The following PTPRK variants were observed in gnomAD, a reference collection of about 807,000 sequenced individuals.
The protein encoded by PTPRK is receptor-type tyrosine-protein phosphatase kappa.
Under a neutral mutation model 178.0 loss-of-function variants are expected in PTPRK, and 75 were observed. That is an observed-to-expected ratio of 0.42 (90% CI 0.35 to 0.51). The LOEUF (loss-of-function observed/expected upper bound fraction) is 0.51. Ranked by LOEUF, PTPRK falls within the 20% of genes least tolerant of loss-of-function variation. The probability of loss-of-function intolerance (pLI) is 0.02; values close to 1 mark genes in which losing one functional copy is unlikely to be tolerated. For missense variants in PTPRK, 1,441 were observed against 1,797.8 expected (o/e 0.80, Z 3.59); for synonymous variants, 637 against 620.6 (o/e 1.03, Z -0.39).
intron 7 of PTPRK, among the ~76,000 whole-genome samples, chr6:128,135,329 A>C (rs1055933040): frequency 1.3e-5 from 2 of 152,104 alleles, no homozygotes; most frequent in African/African-American, 4.8e-5. Flanking sequence ...GTTGAAGGAG[A>C]GGGCTGGACC....
At chr6:128,267,542 A>G (rs1475837175) in intron 3 of PTPRK, among the ~76,000 whole-genome samples, 2 of 152,120 alleles carry the variant, frequency 1.3e-5, no homozygotes, top group Non-Finnish European at 2.9e-5. Flanking sequence ...ATGCTCTTTA[A>G]AACTGTGTAA....
chr6:128,175,480 C>T (rs1360252021), intron 7 of PTPRK, among the ~76,000 whole-genome samples: 1 of 151,662 alleles, frequency 6.6e-6, no homozygotes, highest in Admixed American at 6.6e-5. Context: ...TGGTTACATA[C>T]ATTCAGATAT....
At chr6:128,264,519 G>A (rs1203911170) in intron 3 of PTPRK, among the ~76,000 whole-genome samples, 1 of 152,002 alleles carries the variant, frequency 6.6e-6, no homozygotes, top group Non-Finnish European at 1.5e-5. Context: ...GTCTTGCTAT[G>A]TTGTCCAGGC....
intron 1 of PTPRK, among the ~76,000 whole-genome samples, chr6:128,404,553 G>A (rs946424): frequency 0.75 from 114,679 of 152,070 alleles, 44,775 homozygotes; most frequent in East Asian, 0.99. Flanking sequence ...CATTGTAGCA[G>A]GGGATCCCGA....
At chr6:128,470,031 C>T (rs1227166085) in intron 1 of PTPRK, among the ~76,000 whole-genome samples, 13 of 152,086 alleles carry the variant, frequency 8.5e-5, no homozygotes, top group Non-Finnish European at 8.8e-5. Context: ...TTGTTTTACG[C>T]CGCTAACTTT....
chr6:128,356,782 A>G (rs1197405923), intron 2 of PTPRK, among the ~76,000 whole-genome samples: 1 of 152,226 alleles, frequency 6.6e-6, no homozygotes, highest in Non-Finnish European at 1.5e-5. Context: ...TTTCCAAATT[A>G]GTATGAACAA....
At chr6:128,304,543 T>C (rs796796372) in intron 3 of PTPRK, among the ~76,000 whole-genome samples, 10 of 152,352 alleles carry the variant, frequency 6.6e-5, no homozygotes, top group African/African-American at 2.2e-4. Flanking sequence ...GTGTGTGATA[T>C]GTGCAAATCA....
intron 2 of PTPRK, among the ~76,000 whole-genome samples, chr6:128,329,486 A>C (rs1829998022): frequency 6.6e-6 from 1 of 151,828 alleles, no homozygotes; most frequent in Non-Finnish European, 1.5e-5. Flanking sequence ...CTGATGGTAT[A>C]ATTCCAATCC....
At chr6:128,351,510 A>G (rs1303332378) in intron 2 of PTPRK, among the ~76,000 whole-genome samples, 1 of 152,212 alleles carries the variant, frequency 6.6e-6, no homozygotes, top group Non-Finnish European at 1.5e-5. Flanking sequence ...TGTAATTTTC[A>G]CAAGTAAATT....
intron 13 of PTPRK, among the ~76,000 whole-genome samples, chr6:128,029,914 A>G (rs114364994): frequency 0.03 from 4,544 of 152,202 alleles, 152 homozygotes; most frequent in African/African-American, 0.078. Flanking sequence ...TTGGATGCAC[A>G]TGATTTATTA....
chr6:128,260,957 G>C (rs999740840), intron 3 of PTPRK, among the ~76,000 whole-genome samples: 2 of 152,070 alleles, frequency 1.3e-5, no homozygotes, highest in African/African-American at 4.8e-5. Context: ...CATTTTCTTA[G>C]TTTTTCCATC....
At chr6:127,995,198 AATGT>A in intron 18 of PTPRK, 2 of 1,506,104 alleles carry the variant, frequency 1.3e-6, no homozygotes, top group Non-Finnish European at 1.8e-6. Flanking sequence ...TGTAATTAAG[AATGT>A]TTGTATTTAT....
chr6:128,444,480 G>T (rs1419061750), intron 1 of PTPRK, among the ~76,000 whole-genome samples: 1 of 152,086 alleles, frequency 6.6e-6, no homozygotes, highest in Non-Finnish European at 1.5e-5. Context: ...ACTTGTCCAT[G>T]CTGTATTCAG....
intron 2 of PTPRK, among the ~76,000 whole-genome samples, chr6:128,349,815 T>C (rs1832889036): frequency 6.6e-6 from 1 of 152,144 alleles, no homozygotes; most frequent in African/African-American, 2.4e-5. Flanking sequence ...CATTGGGATT[T>C]GGGCAAGGTT....
At position 128,520,557 on chromosome 6, in the gene PTPRK, C is replaced by G; in HGVS notation, c.-199G>C. The stretch of plus-strand genomic sequence containing the variant: ...CGTCGCCAGCGTCGCCGGCCGGCCG[C>G]GGCGGCAGCTCTCCATGCTCGGCGG... On this transcript the variant is annotated 5_prime_UTR_variant, in exon 1 of 30. Coordinates refer to ENST00000368226, the MANE Select transcript of PTPRK (RefSeq NM_002844.4). The G allele has an allele frequency of 1.8e-6, 1 of 569,782 alleles. No individual in the cohort carries two copies. The highest frequency in any genetic ancestry group is 3.2e-6 in the Non-Finnish European group (1 of 315,070). 35.3% of individuals were successfully genotyped at this position (569,782 alleles called of 1,614,324 possible). A position where few individuals can be genotyped will look rare whatever the true frequency, so the allele number is the denominator to read the frequency against.
intron 7 of PTPRK, among the ~76,000 whole-genome samples, chr6:128,107,327 T>C (rs1789888796): frequency 1.3e-5 from 2 of 152,092 alleles, no homozygotes; most frequent in African/African-American, 4.8e-5. Flanking sequence ...CCTTTTCTTC[T>C]TTTACATGCT....
At chr6:128,046,422 A>C (rs75676351) in intron 13 of PTPRK, among the ~76,000 whole-genome samples, 90 of 152,244 alleles carry the variant, frequency 5.9e-4, no homozygotes, top group Non-Finnish European at 1.1e-3. Flanking sequence ...AAGGGCTAGC[A>C]GCTTTCCCCA....
intron 7 of PTPRK, among the ~76,000 whole-genome samples, chr6:128,178,257 C>T (rs575244337): frequency 6.6e-6 from 1 of 151,876 alleles, no homozygotes. Context: ...ATAACACTAG[C>T]CTGTCAATTC....
chr6:128,145,273 C>G (rs1189004906), intron 7 of PTPRK, among the ~76,000 whole-genome samples: 1 of 151,406 alleles, frequency 6.6e-6, no homozygotes, highest in Non-Finnish European at 1.5e-5. Context: ...CACAGACACA[C>G]ACGTAATAAT....
Sources: gnomAD v4.1 joint callset for allele counts (sites outside exome capture counted in the v4.1 genomes callset) on GRCh38, gnomAD v4.1.1 for gene constraint, MANE v1.5 for transcripts, NCBI Gene and HGNC (gene_info 2026-07-23, HGNC 2026-07-21) for gene names.